ACER3: variants seen among roughly 807,000 people sequenced by gnomAD.
The protein encoded by ACER3 is alkaline ceramidase 3, also known as alkCDase 3.
Under a neutral mutation model 48.9 loss-of-function variants are expected in ACER3, and 16 were observed. The observed-to-expected ratio is 0.33, with a 90% CI of 0.22 to 0.50. The LOEUF (loss-of-function observed/expected upper bound fraction) is 0.50. Ranked by LOEUF, ACER3 falls within the 20% of genes least tolerant of loss-of-function variation. ACER3 has a pLI of 0.98. For synonymous variants in ACER3, 109 were observed against 107.8 expected, an observed-to-expected ratio of 1.01 and a Z score of -0.07; for missense variants, 227 against 326.0, an observed-to-expected ratio of 0.70 and a Z score of 2.34.
chr11:76,934,275 C>T (rs1947108249), intron 2 of ACER3, among the ~76,000 whole-genome samples: 3 of 152,182 alleles, frequency 2.0e-5, no homozygotes, highest in African/African-American at 7.2e-5. Flanking sequence ...TCCTCACTTC[C>T]CAGACGGGGT....
Position 76,976,355 on chromosome 11 carries a change from A to C in ACER3, c.320+14A>C, listed in dbSNP as rs1517909. ...TGTGTACTGCATGTAAGTACTTTTA[A>C]AATTTCATTGTTTGATTTATTTTTA... On this transcript the variant is annotated intron_variant, in intron 4 of 10. Transcript: ENST00000532485. The C allele has an allele frequency of 0.74, 1,142,808 of 1,534,388 alleles. 428,233 individuals are homozygous for C. Among genetic ancestry groups the C allele is most frequent in the Non-Finnish European group, 0.76 (856,414 of 1,120,388 alleles).
Position 76,966,490 on chromosome 11 carries a change from A to G in ACER3, c.267+7459A>G, listed in dbSNP as rs1216601018. ...GACATCTACAGAACTCTCCACCCCA[A>G]ATCAACAGAATATACATTCTTTTCA... is the stretch of plus-strand genomic sequence containing the variant. On this transcript the variant is annotated intron_variant, in intron 3 of 10. Transcript: ENST00000532485. Among the ~76,000 whole-genome samples, 9 of 150,866 alleles carry G rather than the reference A, an allele frequency of 6.0e-5. 1 individual carries two copies. The highest frequency in any genetic ancestry group is 2.2e-4 in the African/African-American group (9 of 40,320).
intron 1 of ACER3, among the ~76,000 whole-genome samples, chr11:76,897,467 C>G (rs781288142): frequency 2.0e-5 from 3 of 152,010 alleles, no homozygotes; most frequent in Non-Finnish European, 2.9e-5. Flanking sequence ...TTTATAGCAC[C>G]ATGCATAGAT....
At chr11:76,862,685 T>C (rs1944973926) in intron 1 of ACER3, among the ~76,000 whole-genome samples, 1 of 152,174 alleles carries the variant, frequency 6.6e-6, no homozygotes, top group Non-Finnish European at 1.5e-5. Context: ...AATTAGGGCA[T>C]ATGGGCAGAA....
At chr11:76,907,029 G>A (rs1946251807) in intron 1 of ACER3, among the ~76,000 whole-genome samples, 1 of 151,948 alleles carries the variant, frequency 6.6e-6, no homozygotes, top group Non-Finnish European at 1.5e-5. Flanking sequence ...ACGTTGTATA[G>A]CATCTGGTGC....
At chr11:76,956,448 A>G (rs905387775) in intron 2 of ACER3, among the ~76,000 whole-genome samples, 2 of 152,186 alleles carry the variant, frequency 1.3e-5, no homozygotes, top group African/African-American at 2.4e-5. Context: ...GATTTTCATC[A>G]GAATACTTTT....
chr11:76,917,285 G>A (rs188443918), intron 1 of ACER3, among the ~76,000 whole-genome samples: 7 of 151,840 alleles, frequency 4.6e-5, no homozygotes, highest in African/African-American at 1.4e-4. Context: ...CAATATTGGT[G>A]GTTTAAAAAT....
At chr11:76,997,542 G>A (rs1948940621) in intron 6 of ACER3, among the ~76,000 whole-genome samples, 1 of 152,204 alleles carries the variant, frequency 6.6e-6, no homozygotes, top group Admixed American at 6.5e-5. Context: ...TACAGGGTGA[G>A]AGTTATAGCA....
chr11:77,010,205 T>C (rs1046380036), intron 7 of ACER3, among the ~76,000 whole-genome samples: 8 of 147,356 alleles, frequency 5.4e-5, no homozygotes, highest in Non-Finnish European at 1.1e-4. Context: ...ATAACTAGTT[T>C]GGCATGGTGG....
chr11:76,967,336 A>G (rs1157430857), intron 3 of ACER3, among the ~76,000 whole-genome samples: 8 of 152,218 alleles, frequency 5.3e-5, no homozygotes, highest in Non-Finnish European at 1.0e-4. Flanking sequence ...AACCAAAAAG[A>G]GTCCAGGACC....
intron 1 of ACER3, 60 bp from the exon 2 acceptor site, chr11:76,926,497 T>C: frequency 1.0e-6 from 1 of 970,434 alleles, no homozygotes; most frequent in Non-Finnish European, 1.6e-6. Flanking sequence ...TACGTGAATG[T>C]ATCTTTATTT....
intron 5 of ACER3, among the ~76,000 whole-genome samples, chr11:76,986,183 A>G (rs1338464080): frequency 3.3e-5 from 5 of 152,214 alleles, no homozygotes; most frequent in Non-Finnish European, 5.9e-5. Context: ...GAAAATATTT[A>G]TTGCAGAAAA....
At chr11:76,994,086 T>G (rs1464899199) in intron 6 of ACER3, 6 of 439,106 alleles carry the variant, frequency 1.4e-5, no homozygotes, top group Non-Finnish European at 2.7e-5. Flanking sequence ...AACATTCCTA[T>G]TTTCCTATAA....
chr11:76,938,618 C>G (rs77819767), intron 2 of ACER3, among the ~76,000 whole-genome samples: 2 of 152,136 alleles, frequency 1.3e-5, no homozygotes, highest in Non-Finnish European at 2.9e-5. Flanking sequence ...CATGTCTGGC[C>G]TTGAAAACCT....
rs57093609 is a variant in ACER3 at position 76,924,973 on chromosome 11, CAA to C, written c.104-1565_104-1564del. The stretch of plus-strand genomic sequence containing the variant: ...CCTGGGCAACAGAGGAAGACTCTGT[CAA>C]AAAAAAAAAAAAAAAAAACACCAAA... On this transcript the variant is annotated intron_variant, in intron 1 of 10. Transcript: ENST00000532485. Among the ~76,000 whole-genome samples the C allele has an allele frequency of 2.3e-4, 18 of 78,594 alleles. No individual in the cohort carries two copies. In the South Asian group the frequency reaches 8.1e-3, roughly 35 times the overall value. The allele number at this position is 78,594 out of a possible 152,430, so 51.6% of individuals were successfully genotyped here.
chr11:76,915,000 G>T (rs184433958), intron 1 of ACER3, among the ~76,000 whole-genome samples: 1 of 152,196 alleles, frequency 6.6e-6, no homozygotes, highest in Non-Finnish European at 1.5e-5. Context: ...TGAACTATGA[G>T]AACACTTGGA....
At chr11:76,901,486 A>G (rs1034338702) in intron 1 of ACER3, among the ~76,000 whole-genome samples, 11 of 152,114 alleles carry the variant, frequency 7.2e-5, no homozygotes, top group African/African-American at 1.9e-4. Context: ...CATAAATCCA[A>G]CTGCCTTTGC....
At position 76,867,497 on chromosome 11, in the gene ACER3, AG is replaced by A. The variant is rs1169321574; in HGVS notation, c.103+6419del. On this transcript the variant is annotated intron_variant, in intron 1 of 10. Coordinates refer to ENST00000532485, the MANE Select transcript of ACER3 (RefSeq NM_018367.7). ...AAAAAAAAAAAAAAAAAAAAAAAAAAGAAAGAAAAGTAGCTGAGAGGGCAGC... is the reference window on the plus strand; with the variant it reads ...AAAAAAAAAAAAAAAAAAAAAAAAAAAAAGAAAAGTAGCTGAGAGGGCAGC... Among the ~76,000 whole-genome samples the A allele has an allele frequency of 9.5e-4, 39 of 41,252 alleles. 1 individual carries two copies. Among genetic ancestry groups the A allele is most frequent in the South Asian group, 3.8e-3 (4 of 1,046 alleles). 27.1% of individuals were successfully genotyped at this position (41,252 alleles called of 152,430 possible).
intron 7 of ACER3, among the ~76,000 whole-genome samples, chr11:77,012,530 A>C (rs1401435096): frequency 6.6e-6 from 1 of 151,870 alleles, no homozygotes; most frequent in Non-Finnish European, 1.5e-5. Context: ...GCAGTGAACT[A>C]TTAGTAAGAT....
Sources: gnomAD v4.1 joint callset for allele counts (sites outside exome capture counted in the v4.1 genomes callset) on GRCh38, gnomAD v4.1.1 for gene constraint, MANE v1.5 for transcripts, NCBI Gene and HGNC (gene_info 2026-07-23, HGNC 2026-07-21) for gene names.